The following ARID2 variants were observed in gnomAD, a reference collection of about 807,000 sequenced individuals.
ARID2 encodes AT-rich interactive domain-containing protein 2.
ARID2 carries 32 observed loss-of-function variants against 184.6 expected under a neutral mutation model. The observed-to-expected ratio is 0.17, with a 90% CI of 0.13 to 0.23. ARID2 has a LOEUF of 0.23. Ranked by LOEUF, ARID2 falls within the 10% of genes least tolerant of loss-of-function variation. ARID2 has a pLI of 1.00. For synonymous variants in ARID2, 836 were observed against 772.6 expected (o/e 1.08, Z -1.36); for missense variants, 1,696 against 2,197.6 (o/e 0.77, Z 4.56).
rs1942040222 is a variant in ARID2, at chr12:45,779,093, G to A, written c.285-32325G>A. ...CTTCTTTTTATTGTCATACATTTAA[G>A]TTACCCTTTTGCTTTAATGTTATAA... On this transcript the variant is annotated intron_variant, in intron 3 of 20. Coordinates refer to ENST00000334344, the MANE Select transcript of ARID2 (RefSeq NM_152641.4). 2.6e-5 allele frequency among the ~76,000 whole-genome samples: 4 copies of A among 151,484 alleles called. No homozygotes were observed. The South Asian group carries it at 8.3e-4, about 31-fold the overall frequency.
chr12:45,886,877 C>G (rs1164231912), intron 16 of ARID2, among the ~76,000 whole-genome samples: 1 of 152,212 alleles, frequency 6.6e-6, no homozygotes, highest in Non-Finnish European at 1.5e-5. Context: ...GGGGCTGGCC[C>G]AGGAAATAAT....
intron 6 of ARID2, among the ~76,000 whole-genome samples, chr12:45,835,020 G>A (rs536676874): frequency 1.3e-4 from 20 of 152,080 alleles, no homozygotes; most frequent in Non-Finnish European, 2.4e-4. Flanking sequence ...TTTTCACTGT[G>A]TGCCTTATGT....
At chr12:45,753,156 G>T (rs1941498433) in intron 3 of ARID2, among the ~76,000 whole-genome samples, 1 of 152,098 alleles carries the variant, frequency 6.6e-6, no homozygotes, top group African/African-American at 2.4e-5. Flanking sequence ...CCAGCTACTC[G>T]GGAGGCTGAG....
intron 13 of ARID2, among the ~76,000 whole-genome samples, chr12:45,849,353 G>T (rs1056669600): frequency 1.3e-5 from 2 of 152,060 alleles, no homozygotes; most frequent in African/African-American, 4.8e-5. Flanking sequence ...TTATATGTGG[G>T]TGGAATTGTT....
chr12:45,861,246 T>G (rs973586596), intron 16 of ARID2, among the ~76,000 whole-genome samples: 1 of 152,106 alleles, frequency 6.6e-6, no homozygotes, highest in Non-Finnish European at 1.5e-5. Flanking sequence ...GTTAAAAGCT[T>G]TTTTTTGTTG....
chr12:45,797,848 T>A (rs1942418793), intron 3 of ARID2, among the ~76,000 whole-genome samples: 1 of 152,012 alleles, frequency 6.6e-6, no homozygotes, highest in African/African-American at 2.4e-5. Context: ...GCTCTTCATT[T>A]TGTTTTAAAT....
At chr12:45,755,592 ATATTT>A (rs1220254434) in intron 3 of ARID2, among the ~76,000 whole-genome samples, 2 of 152,224 alleles carry the variant, frequency 1.3e-5, no homozygotes, top group African/African-American at 2.4e-5. Flanking sequence ...AAACTGTTCT[ATATTT>A]TATTTGAGTG....
chr12:45,761,214 C>G (rs1007729081), intron 3 of ARID2, among the ~76,000 whole-genome samples: 2 of 152,294 alleles, frequency 1.3e-5, no homozygotes, highest in African/African-American at 4.8e-5. Context: ...GCATACTCTC[C>G]ACACTGCACC....
chr12:45,814,275 T>C (rs1176513126), intron 4 of ARID2, among the ~76,000 whole-genome samples: 1 of 152,168 alleles, frequency 6.6e-6, no homozygotes, highest in Non-Finnish European at 1.5e-5. Context: ...CCCTTTCTTC[T>C]AAATTGAAAA....
rs377138720 is a variant in ARID2, at chr12:45,851,515, C to G, written c.3392C>G (p.Pro1131Arg). Residue 1131 changes from proline to arginine, a missense_variant, in exon 15 of 21, where the codon CCA becomes CGA. Pro to Arg is a moderately radical substitution (Grantham distance 103, BLOSUM62 -2). This residue lies in a region of ARID2 where 713 missense variants were observed against 824.4 expected (regional missense o/e 0.86). Coordinates refer to ENST00000334344, the MANE Select transcript of ARID2 (RefSeq NM_152641.4). ...LVGQQNVQLVPSAMPPSGGVQ... is the reference protein window; with the variant it reads ...LVGQQNVQLVRSAMPPSGGVQ... ...GGGCAGCAAAATGTTCAGTTGGTCC[C>G]AAGTGCAATGCCACCCTCAGGGGGA... The G allele has an allele frequency of 6.2e-6, 10 of 1,613,982 alleles. No homozygotes were observed. Among genetic ancestry groups the G allele is most frequent in the Non-Finnish European group, 7.6e-6 (9 of 1,179,994 alleles).
At chr12:45,901,154 ATTTTTTTTTTTTT>A (rs71067909) in intron 20 of ARID2, among the ~76,000 whole-genome samples, 30 of 44,962 alleles carry the variant, frequency 6.7e-4, no homozygotes, top group East Asian at 4.8e-3. Context: ...AATTTCCTTA[ATTTTTTTTTTTTT>A]TTTTTTTTTT....
intron 4 of ARID2, 64 bp downstream of exon 4, chr12:45,811,615 A>G (rs1942710329): frequency 3.8e-6 from 6 of 1,561,110 alleles, no homozygotes; most frequent in Non-Finnish European, 5.2e-6. Context: ...AATAGACATC[A>G]TCCAATGAGT....
At chr12:45,838,938 T>G (rs1195424210) in intron 10 of ARID2, among the ~76,000 whole-genome samples, 1 of 150,518 alleles carries the variant, frequency 6.6e-6, no homozygotes, top group Non-Finnish European at 1.5e-5. Flanking sequence ...TGATCTTGGC[T>G]CACTGCAAGC....
At chr12:45,848,081 A>G (rs1278847930) in intron 12 of ARID2, among the ~76,000 whole-genome samples, 1 of 151,848 alleles carries the variant, frequency 6.6e-6, no homozygotes, top group Non-Finnish European at 1.5e-5. Context: ...TTTCTTGGAG[A>G]GGGGGAAGAG....
At chr12:45,738,305 TTTTA>T (rs1445904313) in intron 3 of ARID2, among the ~76,000 whole-genome samples, 2 of 152,070 alleles carry the variant, frequency 1.3e-5, no homozygotes, top group African/African-American at 4.8e-5. Context: ...ATATGGGAGA[TTTTA>T]TTTATTTATT....
chr12:45,853,409 T>C (rs1943591679), intron 15 of ARID2, among the ~76,000 whole-genome samples: 3 of 152,238 alleles, frequency 2.0e-5, no homozygotes, highest in African/African-American at 7.2e-5. Context: ...TAAAAAGTAT[T>C]ATTTATTGTA....
At chr12:45,871,647 T>A (rs1943927782) in intron 16 of ARID2, among the ~76,000 whole-genome samples, 1 of 152,180 alleles carries the variant, frequency 6.6e-6, no homozygotes, top group Non-Finnish European at 1.5e-5. Flanking sequence ...TCCCTCTGCT[T>A]CTATTGTCTG....
chr12:45,795,660 T>A (rs1270918305), intron 3 of ARID2, among the ~76,000 whole-genome samples: 1 of 151,996 alleles, frequency 6.6e-6, no homozygotes, highest in Non-Finnish European at 1.5e-5. Context: ...ATGGTCTCGA[T>A]CTCCTGACCT....
At chr12:45,857,635 T>C (rs1943672975) in intron 15 of ARID2, among the ~76,000 whole-genome samples, 1 of 152,204 alleles carries the variant, frequency 6.6e-6, no homozygotes, top group South Asian at 2.1e-4. Context: ...ACTCCTACTT[T>C]TAAGAGTTGA....
Sources: allele counts gnomAD v4.1 joint callset (sites outside exome capture counted in the v4.1 genomes callset), GRCh38; gene constraint gnomAD v4.1.1; regional missense constraint gnomAD v4.1.1; transcripts MANE v1.5; gene names NCBI Gene and HGNC (gene_info 2026-07-23, HGNC 2026-07-21).